PRKN: variants seen among roughly 807,000 people sequenced by gnomAD.
PRKN encodes the protein parkin RBR E3 ubiquitin protein ligase, also known as E3 ubiquitin-protein ligase parkin.
Under a neutral mutation model 59.5 loss-of-function variants are expected in PRKN, and 56 were observed. The observed-to-expected ratio is 0.94, with a 90% CI of 0.76 to 1.18. PRKN has a LOEUF of 1.18. PRKN is among the 50% of genes most tolerant of loss of function. PRKN has a pLI of 0.00. For missense variants in PRKN, 657 were observed against 596.4 expected (o/e 1.10, Z -1.06); for synonymous variants, 250 against 222.1 (o/e 1.13, Z -1.12).
chr6:162,673,725 C>A (rs527352313), intron 1 of PRKN, among the ~76,000 whole-genome samples: 242 of 152,142 alleles, frequency 1.6e-3, no homozygotes, highest in Non-Finnish European at 2.9e-3. Context: ...AGAGAAAAAA[C>A]CAAAACATCC....
At chr6:162,487,248 T>G (rs1792589078) in intron 1 of PRKN, among the ~76,000 whole-genome samples, 1 of 152,184 alleles carries the variant, frequency 6.6e-6, no homozygotes, top group Admixed American at 6.5e-5. Flanking sequence ...TGCTTCCTTA[T>G]GGAGTGGTTG....
At chr6:162,598,719 AGTGCATGCCTGT>A (rs1157897916) in intron 1 of PRKN, among the ~76,000 whole-genome samples, 1 of 151,846 alleles carries the variant, frequency 6.6e-6, no homozygotes, top group Non-Finnish European at 1.5e-5. Context: ...TGGGTGTGGT[AGTGCATGCCTGT>A]AATCCCAGTT....
At chr6:161,939,263 C>T (rs184750938) in intron 6 of PRKN, among the ~76,000 whole-genome samples, 2 of 151,288 alleles carry the variant, frequency 1.3e-5, no homozygotes, top group East Asian at 3.9e-4. Context: ...ACTAAAAGTA[C>T]AAAAAATGGC....
rs145246999 is a variant in PRKN at position 161,497,293 on chromosome 6, G to A, written c.1083+51561C>T. 2.0e-5 allele frequency among the ~76,000 whole-genome samples: 3 copies of A among 152,312 alleles called. No homozygotes were observed. The East Asian group carries it at 5.8e-4, about 29-fold the overall frequency. On this transcript the variant is annotated intron_variant, in intron 9 of 11. Transcript: ENST00000366898. This position sits in a 1 kb window ranked among gnomAD's most constrained non-coding sequence, Gnocchi z 4.6. ...TTAGGACAACTTCCCAGGTAAGGGC[G>A]AGTGGAGGACAGGGTGTCCCCACTA...
chr6:161,549,062 GT>G lies in PRKN; in HGVS notation c.934-60del. The G allele has an allele frequency of 4.4e-6, 7 of 1,588,472 alleles. No individual in the cohort carries two copies. Among genetic ancestry groups the G allele is most frequent in the Admixed American group, 1.7e-5 (1 of 59,966 alleles). The stretch of plus-strand genomic sequence containing the variant: ...ACTGACTGCAAATTTCAGCCAAAGG[GT>G]TAGGAGCTACAGTGCATGGGATTTC... On this transcript the variant is annotated intron_variant, in intron 8 of 11. Transcript: ENST00000366898. The surrounding 1 kb of genome is among the most constrained non-coding windows in gnomAD (Gnocchi z 6.0).
intron 3 of PRKN, among the ~76,000 whole-genome samples, chr6:162,241,628 G>A (rs904953247): frequency 6.6e-6 from 1 of 152,036 alleles, no homozygotes; most frequent in Non-Finnish European, 1.5e-5. Context: ...CTAAATGAAA[G>A]CTACTTTATT....
intron 1 of PRKN, among the ~76,000 whole-genome samples, chr6:162,721,218 C>A (rs1188393889): frequency 6.6e-6 from 1 of 152,172 alleles, no homozygotes; most frequent in African/African-American, 2.4e-5. Flanking sequence ...CGCTTGTTCT[C>A]CGTAACTAGT....
intron 6 of PRKN, among the ~76,000 whole-genome samples, chr6:161,803,257 G>A (rs1215179680): frequency 6.6e-6 from 1 of 152,158 alleles, no homozygotes; most frequent in African/African-American, 2.4e-5. Context: ...GAGGGCTCCT[G>A]TGTCACATAA....
Position 161,546,359 on chromosome 6 carries a change from C to T in PRKN, c.1083+2495G>A, listed in dbSNP as rs908403895. ...TTTGAACTTCACACATTCAACGCCA[C>T]CCTTTTTAAATCACTGTGGAATTCC... is the stretch of plus-strand genomic sequence containing the variant. On this transcript the variant is annotated intron_variant, in intron 9 of 11. Transcript: ENST00000366898. This position sits in a 1 kb window ranked among gnomAD's most constrained non-coding sequence, Gnocchi z 4.4. 6.6e-6 allele frequency among the ~76,000 whole-genome samples: 1 copy of T among 152,098 alleles called. No homozygotes were observed. Among genetic ancestry groups the T allele is most frequent in the Non-Finnish European group, 1.5e-5 (1 of 68,020 alleles).
At chr6:161,453,182 A>G (rs1037478984) in intron 9 of PRKN, among the ~76,000 whole-genome samples, 14 of 152,296 alleles carry the variant, frequency 9.2e-5, no homozygotes, top group African/African-American at 3.4e-4. Context: ...TGAGGGCCTG[A>G]GCCTTGAACC....
chr6:162,154,969 C>CA (rs1156918855), intron 4 of PRKN, among the ~76,000 whole-genome samples: 2,930 of 115,804 alleles, frequency 0.025, 72 homozygotes, highest in African/African-American at 0.07. Flanking sequence ...TCAGGTGATG[C>CA]AAAAAAAAAA....
At chr6:162,250,582 C>CTT (rs1194178949) in intron 3 of PRKN, among the ~76,000 whole-genome samples, 1 of 152,210 alleles carries the variant, frequency 6.6e-6, no homozygotes, top group African/African-American at 2.4e-5. Context: ...AGATTGATCA[C>CTT]ATGGCATCAG....
intron 1 of PRKN, among the ~76,000 whole-genome samples, chr6:162,594,261 A>G (rs1781416087): frequency 6.6e-6 from 1 of 152,222 alleles, no homozygotes; most frequent in Non-Finnish European, 1.5e-5. Flanking sequence ...TACTTTAAGT[A>G]CAATTAACAG....
rs1320515974 is a variant in PRKN at position 161,414,250 on chromosome 6, G to A, written c.1084-27373C>T. ...CATTTTCTCCCCAGATGTCAGAGCC[G>A]TGCACCCTTCTCCGGAAGGCTGGAG... On this transcript the variant is annotated intron_variant, in intron 9 of 11. Coordinates refer to ENST00000366898, the MANE Select transcript of PRKN (RefSeq NM_004562.3). This position sits in a 1 kb window ranked among gnomAD's most constrained non-coding sequence, Gnocchi z 5.3. Among the ~76,000 whole-genome samples the A allele has an allele frequency of 2.0e-5, 3 of 152,140 alleles. No homozygotes were observed. Among genetic ancestry groups the A allele is most frequent in the Non-Finnish European group, 2.9e-5 (2 of 68,026 alleles).
intron 1 of PRKN, among the ~76,000 whole-genome samples, chr6:162,461,070 C>T (rs1791131552): frequency 6.6e-6 from 1 of 151,940 alleles, no homozygotes; most frequent in Non-Finnish European, 1.5e-5. Flanking sequence ...AGGCACAGTG[C>T]TAGAAAGTGA....
chr6:161,664,948 C>A (rs980803797), intron 7 of PRKN, among the ~76,000 whole-genome samples: 3 of 151,846 alleles, frequency 2.0e-5, no homozygotes, highest in African/African-American at 7.2e-5. Flanking sequence ...ACCAGCACAC[C>A]TGGCTAATTT....
chr6:162,602,121 C>T (rs189415546), intron 1 of PRKN, among the ~76,000 whole-genome samples: 11 of 152,262 alleles, frequency 7.2e-5, no homozygotes, highest in Admixed American at 7.2e-4. Context: ...GCATGGTGCC[C>T]AGGGAGCGTG....
chr6:161,935,766 G>A (rs1441068216), intron 6 of PRKN, among the ~76,000 whole-genome samples: 1 of 152,138 alleles, frequency 6.6e-6, no homozygotes, highest in Non-Finnish European at 1.5e-5. Context: ...CTCCTGTTTA[G>A]AAGGGATGAG....
At chr6:161,537,700 C>A (rs1266646975) in intron 9 of PRKN, among the ~76,000 whole-genome samples, 1 of 152,184 alleles carries the variant, frequency 6.6e-6, no homozygotes, top group Non-Finnish European at 1.5e-5. Flanking sequence ...ATCCGCCCGC[C>A]TTAGCCTCCC....
Sources: gnomAD v4.1 joint callset for allele counts (sites outside exome capture counted in the v4.1 genomes callset) on GRCh38, gnomAD v4.1.1 for gene constraint, Gnocchi (gnomAD v3.1) non-coding constraint, MANE v1.5 for transcripts, NCBI Gene and HGNC (gene_info 2026-07-23, HGNC 2026-07-21) for gene names.